The following LRRN2 variants were observed in gnomAD, a reference collection of about 807,000 sequenced individuals.
LRRN2 encodes the protein leucine rich repeat neuronal 2.
Under a neutral mutation model 35.7 loss-of-function variants are expected in LRRN2, and 10 were observed. The observed-to-expected ratio is 0.28, with a 90% confidence interval of 0.17 to 0.47. LRRN2 has a LOEUF of 0.47. Ranked by LOEUF, LRRN2 falls within the 20% of genes least tolerant of loss-of-function variation. LRRN2 has a pLI of 0.99. For synonymous variants in LRRN2, 391 were observed against 409.6 expected (o/e 0.95, Z 0.55); for missense variants, 731 against 940.3 (o/e 0.78, Z 2.91).
chr1:204,636,057 C>G (rs1006056378), intron 1 of LRRN2, among the ~76,000 whole-genome samples: 1 of 152,186 alleles, frequency 6.6e-6, no homozygotes, highest in Admixed American at 6.5e-5. Context: ...ATGTCACCAG[C>G]CCCATCTTTG....
intron 1 of LRRN2, among the ~76,000 whole-genome samples, chr1:204,622,869 T>C (rs1325126060): frequency 2.0e-5 from 3 of 152,212 alleles, no homozygotes; most frequent in Non-Finnish European, 4.4e-5. Context: ...ACTTGACTGC[T>C]CTGAGCAACC....
At chr1:204,655,123 G>A (rs1010991835) in intron 1 of LRRN2, among the ~76,000 whole-genome samples, 1 of 152,238 alleles carries the variant, frequency 6.6e-6, no homozygotes, top group Non-Finnish European at 1.5e-5. Context: ...ACAGCTGAGT[G>A]GCAGTGGGAC....
intron 1 of LRRN2, among the ~76,000 whole-genome samples, chr1:204,677,130 C>T (rs1668841000): frequency 6.6e-6 from 1 of 152,186 alleles, no homozygotes; most frequent in Non-Finnish European, 1.5e-5. Context: ...GAAACTGAGG[C>T]TCGGAAAGGT....
At chr1:204,653,513 A>C (rs1311822719) in intron 1 of LRRN2, among the ~76,000 whole-genome samples, 1 of 152,204 alleles carries the variant, frequency 6.6e-6, no homozygotes, top group African/African-American at 2.4e-5. Flanking sequence ...AACCCATATC[A>C]GCCTACAACA....
Position 204,618,883 on chromosome 1 carries a change from G to C in LRRN2, c.1110C>G (p.Pro370=), listed in dbSNP as rs759418264. ...AGCGGATGACACAGTCACAGCGGAT[G>C]GGGTTGCCGTGGAGACCTACCTCCT... is the stretch of plus-strand genomic sequence containing the variant. ...NLQEVGLHGN[P]IRCDCVIRWA... Residue 370 remains proline (P), a synonymous_variant, in exon 2 of 2, where the codon CCC becomes CCG. Transcript: ENST00000367177. 1 of 1,614,066 alleles carries C rather than the reference G, an allele frequency of 6.2e-7. No individual in the cohort carries two copies. Among genetic ancestry groups the C allele is most frequent in the Non-Finnish European group, 8.5e-7 (1 of 1,180,044 alleles).
intron 1 of LRRN2, among the ~76,000 whole-genome samples, chr1:204,653,264 T>G (rs1668273405): frequency 6.6e-6 from 1 of 152,222 alleles, no homozygotes; most frequent in Non-Finnish European, 1.5e-5. Context: ...ACAAGATTGC[T>G]AGTCCCTCTC....
At chr1:204,639,504 G>A (rs561864196) in intron 1 of LRRN2, among the ~76,000 whole-genome samples, 46 of 152,276 alleles carry the variant, frequency 3.0e-4, no homozygotes, top group African/African-American at 1.1e-3. Flanking sequence ...GCCTGTTGTG[G>A]TGGTGCACAC....
chr1:204,652,263 C>CCTCCCCCGCCCCCCCG (rs1668247004), intron 1 of LRRN2, among the ~76,000 whole-genome samples: 1 of 73,422 alleles, frequency 1.4e-5, no homozygotes, highest in African/African-American at 7.1e-5. Context: ...CTTCACCGCC[C>CCTCCCCCGCCCCCCCG]CCCCCCCGCC....
intron 1 of LRRN2, among the ~76,000 whole-genome samples, chr1:204,626,392 C>T (rs761487789): frequency 4.6e-5 from 7 of 152,126 alleles, no homozygotes; most frequent in Non-Finnish European, 8.8e-5. Flanking sequence ...CCCCTGACTG[C>T]CTCTCATTCC....
chr1:204,647,155 TA>T (rs11284966), intron 1 of LRRN2, among the ~76,000 whole-genome samples: 110,325 of 142,760 alleles, frequency 0.77, 42,871 homozygotes, highest in Non-Finnish European at 0.83. Context: ...GCAAGGAGGT[TA>T]AAAAAAAAAA....
chr1:204,655,991 G>A (rs1454185042), intron 1 of LRRN2, among the ~76,000 whole-genome samples: 1 of 152,044 alleles, frequency 6.6e-6, no homozygotes, highest in Non-Finnish European at 1.5e-5. Context: ...CTCACTGCAA[G>A]CTCCACCTCC....
At chr1:204,666,216 A>G (rs1303617786) in intron 1 of LRRN2, among the ~76,000 whole-genome samples, 1 of 152,250 alleles carries the variant, frequency 6.6e-6, no homozygotes, top group Non-Finnish European at 1.5e-5. Context: ...TAAAACGGAA[A>G]GTGTAAGATA....
At chr1:204,681,648 G>A (rs1668958275) in intron 1 of LRRN2, among the ~76,000 whole-genome samples, 1 of 152,158 alleles carries the variant, frequency 6.6e-6, no homozygotes. Flanking sequence ...CTAGCACAGA[G>A]CCAGGCACAC....
Position 204,685,599 on chromosome 1 carries a change from C to A in LRRN2, c.-506G>T, listed in dbSNP as rs1669054447. ...CGGCCGGAGGCTGGCGGGCGAGAGC[C>A]AGGCGCTCCTTGAGAGCGCCGCGCG... On this transcript the variant is annotated 5_prime_UTR_variant, in exon 1 of 2. Transcript: ENST00000367177. The A allele has an allele frequency of 6.6e-6, 1 of 152,050 alleles. No homozygotes were observed. The highest frequency in any genetic ancestry group is 1.5e-5 in the Non-Finnish European group (1 of 68,022). The allele number at this position is 152,050 out of a possible 1,614,324, so 9.4% of individuals were successfully genotyped here. A position where few individuals can be genotyped will look rare whatever the true frequency, so the allele number is the denominator to read the frequency against.
chr1:204,665,467 C>G (rs1477409199), intron 1 of LRRN2, among the ~76,000 whole-genome samples: 3 of 152,158 alleles, frequency 2.0e-5, no homozygotes, highest in Non-Finnish European at 4.4e-5. Flanking sequence ...GGTGAGTCGA[C>G]ATCATTAGTA....
intron 1 of LRRN2, among the ~76,000 whole-genome samples, chr1:204,647,377 T>C (rs11240240): frequency 0.082 from 12,516 of 152,208 alleles, 926 homozygotes; most frequent in African/African-American, 0.2. Flanking sequence ...TGATGACTTA[T>C]CAAAAGCCAC....
At chr1:204,672,433 C>T (rs890622415) in intron 1 of LRRN2, among the ~76,000 whole-genome samples, 7 of 152,132 alleles carry the variant, frequency 4.6e-5, no homozygotes, top group Non-Finnish European at 7.4e-5. Context: ...ACCCTTTAGC[C>T]CTTGGGTCAA....
intron 1 of LRRN2, among the ~76,000 whole-genome samples, chr1:204,673,902 A>G (rs1020838755): frequency 1.3e-5 from 2 of 151,934 alleles, no homozygotes; most frequent in Non-Finnish European, 2.9e-5. Flanking sequence ...CTGTCCTTGG[A>G]TACTCTACTC....
chr1:204,646,164 G>T (rs6593888), intron 1 of LRRN2, among the ~76,000 whole-genome samples: 14,100 of 152,016 alleles, frequency 0.093, 1,186 homozygotes, highest in African/African-American at 0.22. Context: ...GGGGAGGGGG[G>T]ACTCCAGACA....
Sources: allele counts gnomAD v4.1 joint callset (sites outside exome capture counted in the v4.1 genomes callset), GRCh38; gene constraint gnomAD v4.1.1; transcripts MANE v1.5; gene names NCBI Gene and HGNC (gene_info 2026-07-23, HGNC 2026-07-21).